The following KDM1A variants were observed in gnomAD, a reference collection of about 807,000 sequenced individuals.
KDM1A encodes the protein lysine demethylase 1A.
Under a neutral mutation model 109.4 loss-of-function variants are expected in KDM1A, and 49 were observed. The ratio of observed to expected loss-of-function variants is 0.45; its 90% CI spans 0.36 to 0.57. The LOEUF (loss-of-function observed/expected upper bound fraction) is 0.57. Among genes scored for constraint, KDM1A ranks in the 20% least tolerant of loss-of-function variants. KDM1A has a pLI of 0.00. For missense variants in KDM1A, 668 were observed against 1,116.6 expected (o/e 0.60, Z 5.73); for synonymous variants, 380 against 415.4 (o/e 0.91, Z 1.04).
At chr1:23,070,452 C>T (rs1472302238) in intron 12 of KDM1A, among the ~76,000 whole-genome samples, 2 of 149,708 alleles carry the variant, frequency 1.3e-5, no homozygotes, top group African/African-American at 4.9e-5. Flanking sequence ...GCCTGGGTGA[C>T]AGAACAAGAC....
intron 15 of KDM1A, among the ~76,000 whole-genome samples, chr1:23,074,473 G>A (rs558627194): frequency 6.6e-6 from 1 of 152,222 alleles, no homozygotes; most frequent in African/African-American, 2.4e-5. Flanking sequence ...ACAAGGTCTT[G>A]CTTTGTTGCC....
intron 2 of KDM1A, among the ~76,000 whole-genome samples, chr1:23,031,374 A>T (rs1308447896): frequency 6.6e-6 from 1 of 152,122 alleles, no homozygotes; most frequent in Non-Finnish European, 1.5e-5. Context: ...TTTGACTTTG[A>T]ATTTTTACTA....
At chr1:23,050,999 C>T (rs1285364898) in intron 4 of KDM1A, among the ~76,000 whole-genome samples, 2 of 152,106 alleles carry the variant, frequency 1.3e-5, no homozygotes, top group African/African-American at 4.8e-5. Context: ...GCAGGAGAAT[C>T]GCTTGAACCT....
chr1:23,036,459 C>G (rs1169417535), intron 2 of KDM1A, among the ~76,000 whole-genome samples: 1 of 149,942 alleles, frequency 6.7e-6, no homozygotes, highest in African/African-American at 2.5e-5. Context: ...CCCCCTCCCC[C>G]GCCCCCTCAC....
intron 2 of KDM1A, 107 bp from the exon 3 acceptor site, chr1:23,044,320 A>T: frequency 1.1e-6 from 1 of 908,944 alleles, no homozygotes; most frequent in Non-Finnish European, 1.8e-6. Context: ...ATATGGGTTT[A>T]CTAGTTGGTG....
rs1235761959 is a variant in KDM1A at position 23,063,202 on chromosome 1, G to GGC, written c.1168-2857_1168-2856insCG. 6.1e-3 allele frequency among the ~76,000 whole-genome samples: 525 copies of GGC among 85,626 alleles called. 39 individuals carry two copies. The highest frequency in any genetic ancestry group is 0.021 in the African/African-American group (482 of 22,510). 56.2% of individuals were successfully genotyped at this position (85,626 alleles called of 152,430 possible). ...TCCCACAGTGCTGTAGCATTGGGGGGGGGGTGTGGTGTGGGGTGGGTGTGT... is the reference window on the plus strand; with the variant it reads ...TCCCACAGTGCTGTAGCATTGGGGGGGCGGGGTGTGGTGTGGGGTGGGTGTGT... On this transcript the variant is annotated intron_variant, in intron 9 of 20. Coordinates refer to ENST00000400181, the MANE Select transcript of KDM1A (RefSeq NM_001009999.3).
chr1:23,056,947 G>T (rs1642847445), intron 7 of KDM1A, among the ~76,000 whole-genome samples: 1 of 151,978 alleles, frequency 6.6e-6, no homozygotes, highest in Non-Finnish European at 1.5e-5. Context: ...AAGGTATTGT[G>T]AACAGGCTAT....
At position 23,019,550 on chromosome 1, in the gene KDM1A, G is replaced by A. The variant is rs1213726957; in HGVS notation, c.-47G>A. 1 of 1,348,702 alleles carries A rather than the reference G, an allele frequency of 7.4e-7. No individual in the cohort carries two copies. The highest frequency in any genetic ancestry group is 2.0e-5 in the South Asian group (1 of 48,986). 83.5% of individuals were successfully genotyped at this position (1,348,702 alleles called of 1,614,324 possible). A position where few individuals can be genotyped will look rare whatever the true frequency, so the allele number is the denominator to read the frequency against. On this transcript the variant is annotated 5_prime_UTR_variant, in exon 1 of 21. Transcript: ENST00000400181. ...GCAAGGCTTTTCGGACCCACGGAGC[G>A]ACAGAGCGAGCGGCCCCTACGGCCG...
intron 12 of KDM1A, 24 bp from the exon 13 acceptor site, chr1:23,071,201 T>C (rs768794359): frequency 2.5e-6 from 4 of 1,583,734 alleles, no homozygotes; most frequent in Non-Finnish European, 3.4e-6. Flanking sequence ...TCTGGAATGG[T>C]AAATTTGTAT....
At chr1:23,042,440 ATTTTTT>A (rs769149894) in intron 2 of KDM1A, among the ~76,000 whole-genome samples, 4 of 21,560 alleles carry the variant, frequency 1.9e-4, no homozygotes, top group Non-Finnish European at 3.6e-4. Context: ...GAAATATATT[ATTTTTT>A]TTTTTTTTTT....
intron 19 of KDM1A, 136 bp from the exon 20 acceptor site, chr1:23,082,084 A>T: frequency 1.2e-6 from 1 of 845,680 alleles, no homozygotes; most frequent in Admixed American, 2.7e-5. Context: ...GGCATTCATC[A>T]CTTGATCACT....
intron 3 of KDM1A, among the ~76,000 whole-genome samples, chr1:23,045,350 C>T (rs1442948059): frequency 6.6e-6 from 1 of 152,150 alleles, no homozygotes; most frequent in African/African-American, 2.4e-5. Flanking sequence ...ATAACAGGTC[C>T]TGGGACTGTT....
intron 2 of KDM1A, among the ~76,000 whole-genome samples, chr1:23,043,020 A>G (rs533220038): frequency 6.6e-6 from 1 of 152,326 alleles, no homozygotes; most frequent in East Asian, 1.9e-4. Flanking sequence ...AAGTGATGGG[A>G]TTACAGGCCT....
chr1:23,078,878 T>C (rs1643540326), intron 16 of KDM1A, 112 bp from the exon 17 acceptor site: 6 of 988,378 alleles, frequency 6.1e-6, no homozygotes, highest in Non-Finnish European at 9.1e-6. Context: ...GTAATGAAAA[T>C]AGAAAAATGA....
At chr1:23,056,543 T>C (rs894645445) in intron 7 of KDM1A, among the ~76,000 whole-genome samples, 2 of 152,154 alleles carry the variant, frequency 1.3e-5, no homozygotes, top group African/African-American at 4.8e-5. Flanking sequence ...AGGATGCTAC[T>C]ATTCAAGCTA....
At chr1:23,072,608 CACAT>C (rs1390615249) in intron 14 of KDM1A, among the ~76,000 whole-genome samples, 43 of 152,314 alleles carry the variant, frequency 2.8e-4, no homozygotes, top group African/African-American at 1.0e-3. Flanking sequence ...ATCCAGCCTC[CACAT>C]AAATCTGTTC....
At chr1:23,063,221 GGTGTGTGTGGGTGTGTGTGT>G (rs1643061096) in intron 9 of KDM1A, among the ~76,000 whole-genome samples, 1 of 90,996 alleles carries the variant, frequency 1.1e-5, no homozygotes, top group East Asian at 3.2e-4. Context: ...GTGTGGGGTG[GGTGTGTGTGGGTGTGTGTGT>G]GTGTGTGTGT....
intron 15 of KDM1A, 29 bp downstream of exon 15, chr1:23,073,432 G>A (rs771918154): frequency 8.1e-7 from 1 of 1,236,960 alleles, no homozygotes; most frequent in Non-Finnish European, 1.2e-6. Flanking sequence ...TTATTTTATT[G>A]CACATGCCTT....
chr1:23,068,461 C>A, intron 10 of KDM1A, 78 bp from the exon 11 acceptor site: 1 of 1,229,600 alleles, frequency 8.1e-7, no homozygotes, highest in Non-Finnish European at 1.1e-6. Flanking sequence ...CCTTTATAAA[C>A]TATAGAGCAT....
Sources: gnomAD v4.1 joint callset for allele counts (sites outside exome capture counted in the v4.1 genomes callset) on GRCh38, gnomAD v4.1.1 for gene constraint, MANE v1.5 for transcripts, NCBI Gene and HGNC (gene_info 2026-07-23, HGNC 2026-07-21) for gene names.